Variants in PSME4 observed in about 807,000 individuals in gnomAD.
PSME4 encodes proteasome activator subunit 4.
PSME4 carries 89 observed loss-of-function variants against 253.9 expected under a neutral mutation model. The observed-to-expected ratio is 0.35, with a 90% confidence interval of 0.30 to 0.42. The LOEUF (loss-of-function observed/expected upper bound fraction) is 0.42. Among genes scored for constraint, PSME4 ranks in the 10% least tolerant of loss-of-function variants. The pLI is 1.00. For missense variants in PSME4, 2,014 were observed against 2,195.2 expected, an observed-to-expected ratio of 0.92 and a Z score of 1.65; for synonymous variants, 851 against 759.2, an observed-to-expected ratio of 1.12 and a Z score of -1.99.
intron 40 of PSME4, among the ~76,000 whole-genome samples, chr2:53,886,745 T>C (rs924758776): frequency 6.6e-6 from 1 of 152,138 alleles, no homozygotes; most frequent in Non-Finnish European, 1.5e-5. Flanking sequence ...CAGGTACTTA[T>C]ACAAACATCA....
At chr2:53,897,085 A>G (rs1680173354) in intron 31 of PSME4, among the ~76,000 whole-genome samples, 200 bp from the exon 32 acceptor site, 1 of 151,922 alleles carries the variant, frequency 6.6e-6, no homozygotes, top group African/African-American at 2.4e-5. Context: ...GTCTTGACAC[A>G]TGCTAGTCTC....
chr2:53,900,996 T>C (rs912953134), intron 28 of PSME4, among the ~76,000 whole-genome samples: 4 of 152,188 alleles, frequency 2.6e-5, no homozygotes, highest in Non-Finnish European at 5.9e-5. Context: ...ACGAACCCAG[T>C]AGTCGATCTT....
chr2:53,891,858 CAA>C (rs76144333), intron 36 of PSME4, among the ~76,000 whole-genome samples: 249 of 116,836 alleles, frequency 2.1e-3, no homozygotes, highest in Non-Finnish European at 3.4e-3. Context: ...TAAGACTGTC[CAA>C]AAAAAAAAAA....
chr2:53,891,678 G>A (rs1472036399), intron 36 of PSME4, among the ~76,000 whole-genome samples: 1 of 151,936 alleles, frequency 6.6e-6, no homozygotes, highest in Non-Finnish European at 1.5e-5. Context: ...TGGCCACATG[G>A]AGAAACCCTG....
chr2:53,957,659 A>C (rs1670295888), intron 1 of PSME4, among the ~76,000 whole-genome samples: 1 of 152,084 alleles, frequency 6.6e-6, no homozygotes, highest in Non-Finnish European at 1.5e-5. Context: ...GGAGATGGAG[A>C]CCCCTACTTT....
At chr2:53,944,568 C>T (rs982199894) in intron 3 of PSME4, among the ~76,000 whole-genome samples, 1 of 152,078 alleles carries the variant, frequency 6.6e-6, no homozygotes, top group Non-Finnish European at 1.5e-5. Context: ...TATTAATAAT[C>T]GTGGTTTACA....
rs139091425 is a variant in PSME4, at chr2:53,959,863, G to C, written c.243-10580C>G. Among the ~76,000 whole-genome samples the C allele has an allele frequency of 7.9e-3, 1,207 of 152,130 alleles. 16 individuals carry two copies. Among genetic ancestry groups the C allele is most frequent in the African/African-American group, 0.026 (1,093 of 41,490 alleles). On this transcript the variant is annotated intron_variant, in intron 1 of 46. Transcript: ENST00000404125. ...AATAATGACTCAAACAGTTCCTTTGGGCCAACAACTCGCAATCAAATAAGA... is the reference window on the plus strand; with the variant it reads ...AATAATGACTCAAACAGTTCCTTTGCGCCAACAACTCGCAATCAAATAAGA...
At chr2:53,936,713 A>G (rs751603000) in intron 6 of PSME4, 51 bp downstream of exon 6, 12 of 1,363,938 alleles carry the variant, frequency 8.8e-6, no homozygotes, top group Non-Finnish European at 2.0e-6. Flanking sequence ...TGGGGGGGAA[A>G]AAAGAAAAAA....
At chr2:53,884,668 T>C (rs1378374695) in intron 41 of PSME4, among the ~76,000 whole-genome samples, 1 of 152,182 alleles carries the variant, frequency 6.6e-6, no homozygotes, top group Non-Finnish European at 1.5e-5. Flanking sequence ...ACATTATGAA[T>C]TTATGAATGT....
chr2:53,884,992 GATA>G (rs1254408688), intron 41 of PSME4, among the ~76,000 whole-genome samples: 8 of 152,168 alleles, frequency 5.3e-5, no homozygotes, highest in African/African-American at 4.8e-5. Flanking sequence ...CTCCTCCTTA[GATA>G]ATAATAACTG....
chr2:53,871,300 G>T (rs1467563528), intron 43 of PSME4, among the ~76,000 whole-genome samples: 1 of 151,902 alleles, frequency 6.6e-6, no homozygotes, highest in African/African-American at 2.4e-5. Context: ...CACCAGGATG[G>T]AGTGCAGTGG....
chr2:53,895,794 C>T (rs1317959489), intron 32 of PSME4, 58 bp from the exon 33 acceptor site: 11 of 1,449,740 alleles, frequency 7.6e-6, no homozygotes, highest in Non-Finnish European at 9.3e-6. Flanking sequence ...ACAATTATTA[C>T]CAAATTTCAA....
chr2:53,966,945 G>T (rs913185660), intron 1 of PSME4, among the ~76,000 whole-genome samples: 19 of 152,100 alleles, frequency 1.2e-4, no homozygotes, highest in Non-Finnish European at 2.2e-4. Context: ...TGATCCGTCT[G>T]CCTCGGCCTC....
intron 45 of PSME4, among the ~76,000 whole-genome samples, 174 bp from the exon 46 acceptor site, chr2:53,866,397 A>T (rs1678566297): frequency 6.6e-6 from 1 of 152,226 alleles, no homozygotes; most frequent in Admixed American, 6.5e-5. Flanking sequence ...TTGAGTTACT[A>T]AAAATGCCAT....
At chr2:53,904,252 GTTT>G (rs1483092944) in intron 26 of PSME4, 96 bp from the exon 27 acceptor site, 2 of 1,244,030 alleles carry the variant, frequency 1.6e-6, no homozygotes, top group Non-Finnish European at 2.2e-6. Flanking sequence ...TAATTTACAT[GTTT>G]TTCTCATTAA....
intron 36 of PSME4, among the ~76,000 whole-genome samples, chr2:53,892,197 C>T (rs1241852822): frequency 6.6e-6 from 1 of 152,156 alleles, no homozygotes; most frequent in Admixed American, 6.5e-5. Context: ...CCAAAAAACC[C>T]TATTTGTGTC....
At chr2:53,918,482 C>T (rs1409177310) in intron 20 of PSME4, among the ~76,000 whole-genome samples, 1 of 152,220 alleles carries the variant, frequency 6.6e-6, no homozygotes, top group Non-Finnish European at 1.5e-5. Context: ...GCTGGGACTA[C>T]AGGTATGCGC....
At chr2:53,896,526 A>G (rs749009507) in intron 32 of PSME4, among the ~76,000 whole-genome samples, 1 of 152,208 alleles carries the variant, frequency 6.6e-6, no homozygotes, top group Non-Finnish European at 1.5e-5. Flanking sequence ...TAACAAATTA[A>G]TAACAGCAAT....
At chr2:53,908,728 AATTCCAAAATACTT>A in intron 22 of PSME4, 42 bp downstream of exon 22, 1 of 1,492,092 alleles carries the variant, frequency 6.7e-7, no homozygotes, top group Non-Finnish European at 9.2e-7. Context: ...TATAGATTAA[AATTCCAAAATACTT>A]ATTCCAAAGT....
Sources: gnomAD v4.1 joint callset for allele counts (sites outside exome capture counted in the v4.1 genomes callset) on GRCh38, gnomAD v4.1.1 for gene constraint, MANE v1.5 for transcripts, NCBI Gene and HGNC (gene_info 2026-07-23, HGNC 2026-07-21) for gene names.